The following CACNA1C variants were observed in gnomAD, a reference collection of about 807,000 sequenced individuals.
CACNA1C encodes voltage-dependent L-type calcium channel subunit alpha-1C.
CACNA1C carries 30 observed loss-of-function variants against 229.0 expected under a neutral mutation model. That is an observed-to-expected ratio of 0.13 (90% CI 0.10 to 0.18). The LOEUF (loss-of-function observed/expected upper bound fraction) is 0.18. Among genes scored for constraint, CACNA1C ranks in the 10% least tolerant of loss-of-function variants. The pLI is 1.00. For missense variants in CACNA1C, 1,658 were observed against 2,845.0 expected, an observed-to-expected ratio of 0.58 and a Z score of 9.49; for synonymous variants, 1,114 against 1,132.5, an observed-to-expected ratio of 0.98 and a Z score of 0.33.
chr12:2,429,958 A>T (rs2099067114), intron 3 of CACNA1C, among the ~76,000 whole-genome samples: 1 of 152,190 alleles, frequency 6.6e-6, no homozygotes, highest in African/African-American at 2.4e-5. Flanking sequence ...AATACTGTAA[A>T]CTGGGGTATT....
At chr12:2,328,840 C>T (rs1262225659) in intron 3 of CACNA1C, among the ~76,000 whole-genome samples, 3 of 152,318 alleles carry the variant, frequency 2.0e-5, no homozygotes, top group South Asian at 4.1e-4. Context: ...GCAACATTCA[C>T]TTTGACAGTG....
At chr12:1,993,185 A>T in intron 1 of CACNA1C, 1 of 1,599,234 alleles carries the variant, frequency 6.3e-7, no homozygotes. Flanking sequence ...ATGCAAACAC[A>T]ATGGCAAACA....
At chr12:2,017,916 C>G (rs1277452497) in intron 1 of CACNA1C, among the ~76,000 whole-genome samples, 1 of 152,166 alleles carries the variant, frequency 6.6e-6, no homozygotes, top group Non-Finnish European at 1.5e-5. Context: ...AAAACCATTG[C>G]TTGCCTTCTA....
chr12:2,105,190 C>T (rs1257198370), intron 1 of CACNA1C, among the ~76,000 whole-genome samples: 2 of 152,322 alleles, frequency 1.3e-5, no homozygotes, highest in South Asian at 2.1e-4. Context: ...GTAGCTTTTC[C>T]GCTTTTCCCA....
At chr12:2,455,840 C>T (rs978849777) in intron 4 of CACNA1C, among the ~76,000 whole-genome samples, 8 of 152,334 alleles carry the variant, frequency 5.3e-5, no homozygotes, top group African/African-American at 1.9e-4. Context: ...CATCCCTCAT[C>T]AGTCTGTTTT....
intron 3 of CACNA1C, among the ~76,000 whole-genome samples, chr12:2,221,053 G>A (rs2061345197): frequency 6.6e-6 from 1 of 152,228 alleles, no homozygotes; most frequent in African/African-American, 2.4e-5. Context: ...TGGAAGACAA[G>A]AAGGAGCTAG....
At chr12:2,137,926 G>A (rs947984445) in intron 3 of CACNA1C, among the ~76,000 whole-genome samples, 2 of 151,538 alleles carry the variant, frequency 1.3e-5, no homozygotes, top group East Asian at 3.9e-4. Context: ...TCCTGGAGCC[G>A]ACACATCGCC....
At chr12:2,553,424 C>G (rs1000908819) in intron 10 of CACNA1C, among the ~76,000 whole-genome samples, 1 of 152,150 alleles carries the variant, frequency 6.6e-6, no homozygotes, top group Non-Finnish European at 1.5e-5. Context: ...GGAGTCACTC[C>G]GAATGAGCTC....
chr12:2,688,749 C>G lies in CACNA1C; in HGVS notation c.6087C>G (p.Phe2029Leu), dbSNP rs779215492. The G allele has an allele frequency of 1.3e-5, 20 of 1,577,232 alleles. No homozygotes were observed. The highest frequency in any genetic ancestry group is 1.5e-5 in the Non-Finnish European group (17 of 1,161,496). ...AGGCTGGGGCCCCAGGGAGGCAGTT[C>G]CACGGCAGTGCCAGCAGCCTGGTGG... ...PSQAGAPGRQ[F>L]HGSASSLVEA... Residue 2029 changes from phenylalanine to leucine, a missense_variant, in exon 46 of 47, where the codon TTC becomes TTG. Coordinates refer to ENST00000399655, the MANE Select transcript of CACNA1C (RefSeq NM_000719.7).
intron 3 of CACNA1C, among the ~76,000 whole-genome samples, chr12:2,193,144 G>T (rs2097292955): frequency 6.6e-6 from 1 of 152,342 alleles, no homozygotes. Flanking sequence ...GCCCTGCCAG[G>T]AACATCTGGT....
At chr12:2,074,545 C>T (rs944384523) in intron 1 of CACNA1C, among the ~76,000 whole-genome samples, 1 of 152,126 alleles carries the variant, frequency 6.6e-6, no homozygotes, top group African/African-American at 2.4e-5. Flanking sequence ...TGCGACTCCT[C>T]TGGGGTCTCC....
chr12:2,579,197 C>T (rs986070418), intron 13 of CACNA1C, among the ~76,000 whole-genome samples: 1 of 152,146 alleles, frequency 6.6e-6, no homozygotes, highest in South Asian at 2.1e-4. Flanking sequence ...GGTATAATCC[C>T]AGTTGCAGTT....
chr12:2,358,723 C>T (rs534747623), intron 3 of CACNA1C, among the ~76,000 whole-genome samples: 29 of 152,308 alleles, frequency 1.9e-4, no homozygotes, highest in East Asian at 1.4e-3. Context: ...ACAGTGCGCA[C>T]GCCCACATGG....
Position 2,648,492 on chromosome 12 carries a change from A to C in CACNA1C, c.3930A>C (p.Gln1310His). 1 of 1,613,626 alleles carries C rather than the reference A, an allele frequency of 6.2e-7. No homozygotes were observed. The highest frequency in any genetic ancestry group is 8.5e-7 in the Non-Finnish European group (1 of 1,179,756). Residue 1310 changes from glutamine (Q) to histidine (H), a missense_variant, in exon 31 of 47, where the codon CAA (glutamine) becomes CAC (histidine). By Grantham distance (24) the Gln-to-His change is conservative (BLOSUM62 0). Around this residue, in one of 20 missense-constraint regions of CACNA1C, gnomAD observed 38 missense variants for 53.3 expected, o/e 0.71. Coordinates refer to ENST00000399655, the MANE Select transcript of CACNA1C (RefSeq NM_000719.7). ...ITEVNPAEHT[Q>H]CSPSMNAEEN... is the part of the protein sequence containing the mutation. ...CTTTAAAGCCAGCTGAACATACCCA[A>C]TGCTCTCCCTCTATGGTAAGACCAA...
chr12:2,010,243 A>G (rs1301501520), intron 1 of CACNA1C, among the ~76,000 whole-genome samples: 1 of 152,242 alleles, frequency 6.6e-6, no homozygotes, highest in African/African-American at 2.4e-5. Flanking sequence ...CAGAAACTTC[A>G]CAGAGGAAGA....
At chr12:2,599,005 G>A (rs1230392322) in intron 21 of CACNA1C, among the ~76,000 whole-genome samples, 2 of 152,268 alleles carry the variant, frequency 1.3e-5, no homozygotes, top group African/African-American at 2.4e-5. Flanking sequence ...TTTGCTTCCC[G>A]GACTTCAGAT....
rs12828687 is a variant in CACNA1C at position 2,691,460 on chromosome 12, G to C, written c.*261G>C. The C allele has an allele frequency of 1.1e-5, 4 of 374,750 alleles. No homozygotes were observed. The highest frequency in any genetic ancestry group is 1.9e-5 in the Non-Finnish European group (4 of 213,130). 23.2% of individuals were successfully genotyped at this position (374,750 alleles called of 1,614,324 possible). ...GGCGCCTGCCCTCTCCCAGCTCGCA[G>C]GCCCCGGGCCCGGCCGCGCCTCCGC... On this transcript the variant is annotated 3_prime_UTR_variant, in exon 47 of 47. Coordinates refer to ENST00000399655, the MANE Select transcript of CACNA1C (RefSeq NM_000719.7).
At chr12:2,401,499 CTT>C (rs1208102428) in intron 3 of CACNA1C, among the ~76,000 whole-genome samples, 1 of 152,200 alleles carries the variant, frequency 6.6e-6, no homozygotes, top group Non-Finnish European at 1.5e-5. Context: ...GATGGGGAAA[CTT>C]AGTCACAGAG....
At chr12:2,480,728 G>A (rs1283073055) in intron 5 of CACNA1C, among the ~76,000 whole-genome samples, 1 of 152,164 alleles carries the variant, frequency 6.6e-6, no homozygotes, top group Non-Finnish European at 1.5e-5. Context: ...GTGATTCTCA[G>A]CACTGTCTTC....
Sources: allele counts gnomAD v4.1 joint callset (sites outside exome capture counted in the v4.1 genomes callset), GRCh38; gene constraint gnomAD v4.1.1; regional missense constraint gnomAD v4.1.1; transcripts MANE v1.5; gene names NCBI Gene and HGNC (gene_info 2026-07-23, HGNC 2026-07-21).